ASB18: variants seen among roughly 807,000 people sequenced by gnomAD.
The protein encoded by ASB18 is ankyrin repeat and SOCS box protein 18.
ASB18 carries 33 observed loss-of-function variants against 33.4 expected under a neutral mutation model. The observed-to-expected ratio is 0.99, with a 90% CI of 0.75 to 1.32. The LOEUF is 1.32. ASB18 is among the 40% of genes most tolerant of loss of function. ASB18 has a pLI of 0.00. For missense variants in ASB18, 694 were observed against 655.5 expected, an observed-to-expected ratio of 1.06 and a Z score of -0.64; for synonymous variants, 295 against 307.6, an observed-to-expected ratio of 0.96 and a Z score of 0.43.
In ASB18 at chr2:236,262,726, T is replaced by C. The variant is rs1053931207; in HGVS notation, c.205+1415A>G. On this transcript the variant is annotated intron_variant, in intron 1 of 5. Coordinates refer to ENST00000409749, the MANE Select transcript of ASB18 (RefSeq NM_212556.4). This position sits in a 1 kb window ranked among gnomAD's most constrained non-coding sequence, Gnocchi z 5.2. ...CCCCCAGGGCAATCTTCTAGAGAGA[T>C]GGAAGGTACCAAGTTTGGGATCATG... is the stretch of plus-strand genomic sequence containing the variant. Among the ~76,000 whole-genome samples, 12 of 151,986 alleles carry C rather than the reference T, an allele frequency of 7.9e-5. No homozygotes were observed. Among genetic ancestry groups the C allele is most frequent in the Non-Finnish European group, 1.3e-4 (9 of 68,000 alleles).
intron 1 of ASB18, among the ~76,000 whole-genome samples, chr2:236,246,035 A>G (rs1260413048): frequency 6.6e-6 from 1 of 152,116 alleles, no homozygotes; most frequent in African/African-American, 2.4e-5. Context: ...CTTCCCCCAC[A>G]TGTAGAGATC....
In ASB18 at chr2:236,196,419, C is replaced by G; in HGVS notation, c.1102-34G>C. 2 of 1,234,880 alleles carry G rather than the reference C, an allele frequency of 1.6e-6. No individual in the cohort carries two copies. The highest frequency in any genetic ancestry group is 2.6e-5 in the South Asian group (2 of 77,598). The allele number at this position is 1,234,880 out of a possible 1,614,324, so 76.5% of individuals were successfully genotyped here. On this transcript the variant is annotated intron_variant, in intron 4 of 5. Transcript: ENST00000409749. The surrounding 1 kb of genome is among the most constrained non-coding windows in gnomAD (Gnocchi z 5.6). ...AAGAGGTGAAAGACGCAGCGTAGGC[C>G]GACTGGGTTCTGGGTCTCAGTGGGG... is the stretch of plus-strand genomic sequence containing the variant.
At position 236,253,738 on chromosome 2, in the gene ASB18, G is replaced by A. The variant is rs1051347729; in HGVS notation, c.205+10403C>T. On this transcript the variant is annotated intron_variant, in intron 1 of 5. Transcript: ENST00000409749. This position sits in a 1 kb window ranked among gnomAD's most constrained non-coding sequence, Gnocchi z 5.4. ...ATTAGTTACCGGCAAAAATAAAACCGAAAAACGACAGGTAATTACAAGTCT... is the reference window on the plus strand; with the variant it reads ...ATTAGTTACCGGCAAAAATAAAACCAAAAAACGACAGGTAATTACAAGTCT... 5 of 151,606 alleles carry A rather than the reference G, an allele frequency of 3.3e-5. No individual in the cohort carries two copies. The highest frequency in any genetic ancestry group is 7.3e-5 in the African/African-American group (3 of 41,304). The allele number at this position is 151,606 out of a possible 1,614,324, so 9.4% of individuals were successfully genotyped here. A position where few individuals can be genotyped will look rare whatever the true frequency, so the allele number is the denominator to read the frequency against.
rs1166395760 is a variant in ASB18, at chr2:236,194,866, T to C, written c.*6A>G. 3 of 1,611,234 alleles carry C rather than the reference T, an allele frequency of 1.9e-6. No individual in the cohort carries two copies. Among genetic ancestry groups the C allele is most frequent in the African/African-American group, 2.7e-5 (2 of 74,894 alleles). ...AACAACAGTATTGGTTGCAGCGTTC[T>C]GCGTTTCAGTGCAAAACACCCTGTG... On this transcript the variant is annotated 3_prime_UTR_variant, in exon 6 of 6. Transcript: ENST00000409749. This position sits in a 1 kb window ranked among gnomAD's most constrained non-coding sequence, Gnocchi z 4.5.
At chr2:236,261,859 T>G (rs1173949856) in intron 1 of ASB18, among the ~76,000 whole-genome samples, 1 of 152,106 alleles carries the variant, frequency 6.6e-6, no homozygotes, top group Non-Finnish European at 1.5e-5. Context: ...GAGAGCCAAG[T>G]GAAAGGGGAA....
chr2:236,206,482 C>T (rs758262806), intron 4 of ASB18, among the ~76,000 whole-genome samples: 13 of 152,198 alleles, frequency 8.5e-5, no homozygotes, highest in Non-Finnish European at 1.6e-4. Context: ...AGCTGACTCA[C>T]TGAGGTTGGC....
Position 236,213,014 on chromosome 2 carries a change from A to G in ASB18, c.1101+1348T>C, listed in dbSNP as rs983017514. On this transcript the variant is annotated intron_variant, in intron 4 of 5. Transcript: ENST00000409749. This position sits in a 1 kb window ranked among gnomAD's most constrained non-coding sequence, Gnocchi z 4.8. ...CAGACACAGTGTGCATGGGAAGGGC[A>G]GTGAGTCTTGTTTCCATGTTATAAG... is the stretch of plus-strand genomic sequence containing the variant. Among the ~76,000 whole-genome samples the G allele has an allele frequency of 3.3e-5, 5 of 152,370 alleles. No homozygotes were observed. The East Asian group carries it at 9.6e-4, about 29-fold the overall frequency.
Position 236,235,894 on chromosome 2 carries a change from G to A in ASB18, c.596+1795C>T, listed in dbSNP as rs749569295. Among the ~76,000 whole-genome samples the A allele has an allele frequency of 2.9e-4, 44 of 152,156 alleles. No homozygotes were observed. The highest frequency in any genetic ancestry group is 1.7e-3 in the South Asian group (8 of 4,820). ...TTTTTTGTAGAGATGGGGTTTTGCC[G>A]TGTTGCCCAGGCTGGTCTTGAACTC... is the stretch of plus-strand genomic sequence containing the variant. On this transcript the variant is annotated intron_variant, in intron 3 of 5. Transcript: ENST00000409749. The surrounding 1 kb of genome is among the most constrained non-coding windows in gnomAD (Gnocchi z 6.2).
chr2:236,205,062 T>C lies in ASB18; in HGVS notation c.1102-8677A>G, dbSNP rs1301684134. Among the ~76,000 whole-genome samples, 1 of 152,200 alleles carries C rather than the reference T, an allele frequency of 6.6e-6. No homozygotes were observed. Among genetic ancestry groups the C allele is most frequent in the Admixed American group, 6.5e-5 (1 of 15,280 alleles). On this transcript the variant is annotated intron_variant, in intron 4 of 5. Coordinates refer to ENST00000409749, the MANE Select transcript of ASB18 (RefSeq NM_212556.4). This position sits in a 1 kb window ranked among gnomAD's most constrained non-coding sequence, Gnocchi z 5.4. ...ATCACAGCAACACCCTCCTAACTCA[T>C]CTTTCGACATCTGTTCTCCTCTTTC...
intron 4 of ASB18, chr2:236,210,466 A>C (rs1173525458): frequency 6.6e-6 from 1 of 152,234 alleles, no homozygotes; most frequent in Non-Finnish European, 1.5e-5. Context: ...CGTGCGGGTC[A>C]TCAGACCCGG....
At position 236,211,372 on chromosome 2, in the gene ASB18, C is replaced by T. The variant is rs2060457746; in HGVS notation, c.1101+2990G>A. On this transcript the variant is annotated intron_variant, in intron 4 of 5. Transcript: ENST00000409749. This position sits in a 1 kb window ranked among gnomAD's most constrained non-coding sequence, Gnocchi z 5.0. ...GAAGCCGTGACACTACTTTGATTCT[C>T]ACTGCAGAGCACTGCGCCGGCTCGG... 6.6e-6 allele frequency among the ~76,000 whole-genome samples: 1 copy of T among 152,250 alleles called. No individual in the cohort carries two copies. The highest frequency in any genetic ancestry group is 2.4e-5 in the African/African-American group (1 of 41,464).
rs1016563276 is a variant in ASB18 at position 236,226,560 on chromosome 2, A to G, written c.596+11129T>C. Among the ~76,000 whole-genome samples, 9 of 152,240 alleles carry G rather than the reference A, an allele frequency of 5.9e-5. No homozygotes were observed. The highest frequency in any genetic ancestry group is 2.2e-4 in the African/African-American group (9 of 41,458). On this transcript the variant is annotated intron_variant, in intron 3 of 5. Transcript: ENST00000409749. The surrounding 1 kb of genome is among the most constrained non-coding windows in gnomAD (Gnocchi z 4.8). ...GGCCTGTATGATTTTTGTAAAACCAACGGAAGCCAGGATATTAGATTCTAT... is the reference window on the plus strand; with the variant it reads ...GGCCTGTATGATTTTTGTAAAACCAGCGGAAGCCAGGATATTAGATTCTAT...
rs1009329856 is a variant in ASB18, at chr2:236,197,557, C to T, written c.1102-1172G>A. Among the ~76,000 whole-genome samples, 8 of 151,830 alleles carry T rather than the reference C, an allele frequency of 5.3e-5. No homozygotes were observed. The East Asian group carries it at 1.4e-3, about 26-fold the overall frequency. On this transcript the variant is annotated intron_variant, in intron 4 of 5. Coordinates refer to ENST00000409749, the MANE Select transcript of ASB18 (RefSeq NM_212556.4). ...TAGAAGCTGGACCAAATTCAGTTGCCAGGCGCAGTGGCTCAGCACTTTGGG... is the reference window on the plus strand; with the variant it reads ...TAGAAGCTGGACCAAATTCAGTTGCTAGGCGCAGTGGCTCAGCACTTTGGG...
In ASB18 at chr2:236,214,419, C is replaced by A; in HGVS notation, c.1044G>T (p.Thr348=). Residue 348 remains threonine, a synonymous_variant, in exon 4 of 6, where the codon ACG becomes ACT. Transcript: ENST00000409749. This position sits in a 1 kb window ranked among gnomAD's most constrained non-coding sequence, Gnocchi z 6.5. ...SCALQASPQR[T]VQALLNHGSP... ...AGCCGTGGTTGAGCAGCGCCTGCAC[C>A]GTGCGCTGCGGTGAGGCCTGGAGAG... 1.3e-6 allele frequency: 2 copies of A among 1,565,110 alleles called. No individual in the cohort carries two copies. Among genetic ancestry groups the A allele is most frequent in the Non-Finnish European group, 1.7e-6 (2 of 1,162,104 alleles).
At chr2:236,210,036 T>C (rs944512794) in intron 4 of ASB18, among the ~76,000 whole-genome samples, 3 of 152,226 alleles carry the variant, frequency 2.0e-5, no homozygotes, top group Admixed American at 6.5e-5. Flanking sequence ...ACCCCTGTTC[T>C]GTGCTTTCAA....
intron 4 of ASB18, among the ~76,000 whole-genome samples, chr2:236,197,077 C>T (rs1304783694): frequency 1.3e-5 from 2 of 152,112 alleles, no homozygotes; most frequent in Admixed American, 6.5e-5. Flanking sequence ...TCCCCGCCCC[C>T]CCCATCAACC....
Position 236,217,355 on chromosome 2 carries a change from C to T in ASB18, c.597-2489G>A, listed in dbSNP as rs2060492571. Among the ~76,000 whole-genome samples the T allele has an allele frequency of 6.6e-6, 1 of 151,060 alleles. No individual in the cohort carries two copies. The highest frequency in any genetic ancestry group is 2.4e-5 in the African/African-American group (1 of 40,976). On this transcript the variant is annotated intron_variant, in intron 3 of 5. Transcript: ENST00000409749. This position sits in a 1 kb window ranked among gnomAD's most constrained non-coding sequence, Gnocchi z 5.2. The stretch of plus-strand genomic sequence containing the variant: ...CCGGGAGGTGGAGGTTGCAGTGAGC[C>T]AAGATCGTGCCCCTGAACTCCATCC...
rs778392904 is a variant in ASB18 at position 236,241,435 on chromosome 2, G to A, written c.206-33C>T. ...CAGGGCAGTGTGGTACTCCTGCACC[G>A]GGGACCCTGCTCTAGCTTGAGGATC... is the stretch of plus-strand genomic sequence containing the variant. On this transcript the variant is annotated intron_variant, in intron 1 of 5. Transcript: ENST00000409749. This position sits in a 1 kb window ranked among gnomAD's most constrained non-coding sequence, Gnocchi z 4.2. 23 of 1,612,616 alleles carry A rather than the reference G, an allele frequency of 1.4e-5. No homozygotes were observed. Among genetic ancestry groups the A allele is most frequent in the African/African-American group, 4.0e-5 (3 of 74,896 alleles).
intron 1 of ASB18, among the ~76,000 whole-genome samples, chr2:236,246,701 C>T (rs2060646447): frequency 6.6e-6 from 1 of 152,218 alleles, no homozygotes; most frequent in Non-Finnish European, 1.5e-5. Context: ...TCCACCAGAA[C>T]AACATGATGG....
Sources: allele counts gnomAD v4.1 joint callset (sites outside exome capture counted in the v4.1 genomes callset), GRCh38; gene constraint gnomAD v4.1.1; non-coding constraint Gnocchi (gnomAD v3.1); transcripts MANE v1.5; gene names NCBI Gene and HGNC (gene_info 2026-07-23, HGNC 2026-07-21).